PLCD3: variants seen among roughly 807,000 people sequenced by gnomAD.
PLCD3 encodes the protein phospholipase C delta 3.
A neutral mutation model predicts 82.8 loss-of-function variants in PLCD3; 62 were observed. That is an observed-to-expected ratio of 0.75 (90% CI 0.61 to 0.93). The LOEUF (loss-of-function observed/expected upper bound fraction) is 0.93. Among genes scored for constraint, PLCD3 ranks in the 40% least tolerant of loss-of-function variants. The probability of loss-of-function intolerance (pLI) is 0.00; values close to 1 mark genes in which losing one functional copy is unlikely to be tolerated. For synonymous variants in PLCD3, 478 were observed against 471.8 expected (o/e 1.01, Z -0.17); for missense variants, 1,023 against 1,103.4 (o/e 0.93, Z 1.03).
rs141595488 is a variant in PLCD3, at chr17:45,115,313, C to T, written c.1560+31G>A. Reference sequence around the variant, plus strand: ...CACATCCGTCCTCCCACCTTCCCCCCCTTCCCCACCCCACCCATCCCAGCT... The same window carrying T: ...CACATCCGTCCTCCCACCTTCCCCCTCTTCCCCACCCCACCCATCCCAGCT... On this transcript the variant is annotated intron_variant, in intron 9 of 14. Transcript: ENST00000619929. 2.9e-4 allele frequency: 440 copies of T among 1,514,532 alleles called. 3 individuals carry two copies. In the East Asian group the frequency reaches 9.8e-3, roughly 34 times the overall value. 93.8% of individuals were successfully genotyped at this position (1,514,532 alleles called of 1,614,324 possible). A position where few individuals can be genotyped will look rare whatever the true frequency, so the allele number is the denominator to read the frequency against.
rs1341030890 is a variant in PLCD3, at chr17:45,112,459, C to T, written c.*157G>A. 6.3e-6 allele frequency: 5 copies of T among 790,072 alleles called. No homozygotes were observed. In the African/African-American group the frequency reaches 8.5e-5, roughly 13 times the overall value. The allele number at this position is 790,072 out of a possible 1,614,324, so 48.9% of individuals were successfully genotyped here. A position where few individuals can be genotyped will look rare whatever the true frequency, so the allele number is the denominator to read the frequency against. On this transcript the variant is annotated 3_prime_UTR_variant, in exon 15 of 15. Coordinates refer to ENST00000619929, the MANE Select transcript of PLCD3 (RefSeq NM_133373.5). ...CAGGAGGGGCCCAGGCAGCCCTCAG[C>T]ACCCAGGTGAGACCAGCGCCTGGTG...
At position 45,121,371 on chromosome 17, in the gene PLCD3, G is replaced by A; in HGVS notation, c.165C>T (p.Gly55=). 6 of 1,508,046 alleles carry A rather than the reference G, an allele frequency of 4.0e-6. No individual in the cohort carries two copies. Among genetic ancestry groups the A allele is most frequent in the Admixed American group, 2.1e-5 (1 of 47,906 alleles). The allele number at this position is 1,508,046 out of a possible 1,614,324, so 93.4% of individuals were successfully genotyped here. A position where few individuals can be genotyped will look rare whatever the true frequency, so the allele number is the denominator to read the frequency against. Residue 55 remains glycine (G), a splice_region_variant and synonymous_variant, in exon 2 of 15, where the codon GGC becomes GGT. Transcript: ENST00000619929. ...RPGLRALKKM[G]LTEDEDVRAM... is the part of the protein sequence containing the mutation. ...CGCGCACGTCCTCGTCCTCCGTCAG[G>A]CCTGGCGGGGCGGGAGGACCCGGGG...
chr17:45,126,736 G>A (rs1015150041), intron 1 of PLCD3, among the ~76,000 whole-genome samples: 1 of 151,806 alleles, frequency 6.6e-6, no homozygotes, highest in South Asian at 2.1e-4. Flanking sequence ...GCTCACTGCA[G>A]CAGCCTCAAA....
In PLCD3 at chr17:45,118,866, T is replaced by C. The variant is rs2143565215; in HGVS notation, c.862A>G (p.Thr288Ala). The C allele has an allele frequency of 6.2e-7, 1 of 1,612,040 alleles. No homozygotes were observed. Among genetic ancestry groups the C allele is most frequent in the East Asian group, 2.2e-5 (1 of 44,878 alleles). The change falls in exon 5 of 15, where the codon ACA (threonine) becomes GCA (alanine). Residue 288 changes from threonine (T) to alanine (A), a missense_variant. Thr to Ala is a moderately conservative substitution (Grantham distance 58). Around this residue, in one of 3 missense-constraint regions of PLCD3, gnomAD observed 448 missense variants for 406.3 expected, o/e 1.10. Transcript: ENST00000619929. This position sits in a 1 kb window ranked among gnomAD's most constrained non-coding sequence, Gnocchi z 4.1. Reference sequence around the variant, plus strand: ...ATGAGCTGCTGGGCGCGGGCCAGTGTGGCGCCCTCCTCGCCCTGGTCCTCC... The same window carrying C: ...ATGAGCTGCTGGGCGCGGGCCAGTGCGGCGCCCTCCTCGCCCTGGTCCTCC... Reference protein sequence around the residue: ...FLEDQGEEGATLARAQQLIQT... With the variant: ...FLEDQGEEGAALARAQQLIQT...
Position 45,132,010 on chromosome 17 carries a change from G to C in PLCD3, c.163+238C>G, listed in dbSNP as rs750455225. 6.6e-6 allele frequency among the ~76,000 whole-genome samples: 1 copy of C among 152,078 alleles called. No individual in the cohort carries two copies. Among genetic ancestry groups the C allele is most frequent in the Non-Finnish European group, 1.5e-5 (1 of 68,000 alleles). Reference sequence around the variant, plus strand: ...CCGTGCCCGAATTCGCGCTTCAGACGCCCCGCGAGCGCCCCCTGGTGGGAA... The same window carrying C: ...CCGTGCCCGAATTCGCGCTTCAGACCCCCCGCGAGCGCCCCCTGGTGGGAA... On this transcript the variant is annotated intron_variant, in intron 1 of 14. Transcript: ENST00000619929. The surrounding 1 kb of genome is among the most constrained non-coding windows in gnomAD (Gnocchi z 4.6).
chr17:45,112,814 G>A (rs768609381), intron 14 of PLCD3, 49 bp downstream of exon 14: 1 of 1,605,896 alleles, frequency 6.2e-7, no homozygotes, highest in Admixed American at 1.7e-5. Flanking sequence ...AACAGGGTCT[G>A]CAGGACCTGG....
intron 8 of PLCD3, among the ~76,000 whole-genome samples, chr17:45,115,869 G>A (rs1247429374): frequency 6.6e-6 from 1 of 152,220 alleles, no homozygotes; most frequent in African/African-American, 2.4e-5. Flanking sequence ...TATGTACACA[G>A]GTAATGTGTG....
Position 45,113,103 on chromosome 17 carries a change from TC to T in PLCD3, c.2131+18del, listed in dbSNP as rs1364468441. The T allele has an allele frequency of 2.5e-6, 4 of 1,613,108 alleles. No homozygotes were observed. The highest frequency in any genetic ancestry group is 3.4e-6 in the Non-Finnish European group (4 of 1,179,528). ...CTCTGCAGTCTCCCCCAACCCCACT[TC>T]CGCCAGTGGCTGCCCACCATTGTTG... On this transcript the variant is annotated intron_variant, in intron 13 of 14. Coordinates refer to ENST00000619929, the MANE Select transcript of PLCD3 (RefSeq NM_133373.5).
In PLCD3 at chr17:45,111,579, C is replaced by T. The variant is rs1402053909; in HGVS notation, c.*1037G>A. On this transcript the variant is annotated 3_prime_UTR_variant, in exon 15 of 15. Coordinates refer to ENST00000619929, the MANE Select transcript of PLCD3 (RefSeq NM_133373.5). Reference sequence around the variant, plus strand: ...GTTGAGGGGAGAGGCCCAAGAAACTCATCCAGCCCTGTCCCTCCTCATGGG... The same window carrying T: ...GTTGAGGGGAGAGGCCCAAGAAACTTATCCAGCCCTGTCCCTCCTCATGGG... 6.6e-6 allele frequency: 1 copy of T among 152,254 alleles called. No individual in the cohort carries two copies. The highest frequency in any genetic ancestry group is 3.1e-3 in the Middle Eastern group (1 of 318). 9.4% of individuals were successfully genotyped at this position (152,254 alleles called of 1,614,324 possible).
chr17:45,112,521 C>A lies in PLCD3; in HGVS notation c.*95G>T, dbSNP rs984137152. 9 of 1,338,448 alleles carry A rather than the reference C, an allele frequency of 6.7e-6. No individual in the cohort carries two copies. The Admixed American group carries it at 1.6e-4, about 24-fold the overall frequency. The allele number at this position is 1,338,448 out of a possible 1,614,324, so 82.9% of individuals were successfully genotyped here. On this transcript the variant is annotated 3_prime_UTR_variant, in exon 15 of 15. Coordinates refer to ENST00000619929, the MANE Select transcript of PLCD3 (RefSeq NM_133373.5). ...TGGGCCAAGTGGGTGGGCTGGGGGG[C>A]TGGTACTCCCACCACCTGACTCCAG...
rs112126121 is a variant in PLCD3 at position 45,121,959 on chromosome 17, C to CA, written c.164-588dup. On this transcript the variant is annotated intron_variant, in intron 1 of 14. Coordinates refer to ENST00000619929, the MANE Select transcript of PLCD3 (RefSeq NM_133373.5). ...GCGACAGAGTGAGACTGCGTCTTAA[C>CA]AAAAAAAAAAAAAAATTGCCTTTTC... is the stretch of plus-strand genomic sequence containing the variant. 6.2e-3 allele frequency among the ~76,000 whole-genome samples: 844 copies of CA among 137,224 alleles called. 16 individuals are homozygous for CA. The South Asian group carries it at 0.065, about 11-fold the overall frequency. The allele number at this position is 137,224 out of a possible 152,430, so 90.0% of individuals were successfully genotyped here. A position where few individuals can be genotyped will look rare whatever the true frequency, so the allele number is the denominator to read the frequency against.
Position 45,116,744 on chromosome 17 carries a change from C to T in PLCD3, c.1301G>A (p.Cys434Tyr). The T allele has an allele frequency of 6.2e-7, 1 of 1,608,396 alleles. No homozygotes were observed. Among genetic ancestry groups the T allele is most frequent in the Non-Finnish European group, 8.5e-7 (1 of 1,177,056 alleles). ...YPVILSLENH[C>Y]GLEQQAAMAR... Reference sequence around the variant, plus strand: ...CATGGCAGCCTGCTGCTCCAGCCCGCAGTGGTTCTCCAGGGATAGGATGAC... The same window carrying T: ...CATGGCAGCCTGCTGCTCCAGCCCGTAGTGGTTCTCCAGGGATAGGATGAC... Residue 434 changes from cysteine (C) to tyrosine (Y), a missense_variant, in exon 8 of 15, where the codon TGC becomes TAC. Cys to Tyr is a radical substitution (Grantham distance 194). Coordinates refer to ENST00000619929, the MANE Select transcript of PLCD3 (RefSeq NM_133373.5).
intron 14 of PLCD3, 37 bp downstream of exon 14, chr17:45,112,826 C>A: frequency 6.2e-7 from 1 of 1,609,410 alleles, no homozygotes; most frequent in Non-Finnish European, 8.5e-7. Context: ...AGGACCTGGA[C>A]CCACATCCCT....
At chr17:45,120,556 T>A in intron 3 of PLCD3, 102 bp from the exon 4 acceptor site, 1 of 1,490,964 alleles carries the variant, frequency 6.7e-7, no homozygotes, top group Non-Finnish European at 9.1e-7. Flanking sequence ...GATCCCCAGT[T>A]TAGGGGCTGT....
chr17:45,118,854 C>T lies in PLCD3; in HGVS notation c.874G>A (p.Ala292Thr), dbSNP rs553438771. The T allele has an allele frequency of 7.4e-6, 12 of 1,611,568 alleles. No homozygotes were observed. Among genetic ancestry groups the T allele is most frequent in the East Asian group, 4.5e-5 (2 of 44,878 alleles). The change falls in exon 5 of 15, where the codon GCC becomes ACC. Residue 292 changes from alanine (A) to threonine (T), a missense_variant. Ala to Thr is a moderately conservative substitution (Grantham distance 58). This residue lies in a region of PLCD3 where 448 missense variants were observed against 406.3 expected (regional missense o/e 1.10). Transcript: ENST00000619929. This position sits in a 1 kb window ranked among gnomAD's most constrained non-coding sequence, Gnocchi z 4.1. Reference sequence around the variant, plus strand: ...TCATAGGTCTGAATGAGCTGCTGGGCGCGGGCCAGTGTGGCGCCCTCCTCG... The same window carrying T: ...TCATAGGTCTGAATGAGCTGCTGGGTGCGGGCCAGTGTGGCGCCCTCCTCG... The part of the protein sequence containing the change: ...QGEEGATLAR[A>T]QQLIQTYELN...
intron 10 of PLCD3, among the ~76,000 whole-genome samples, chr17:45,114,589 C>T (rs2054274670): frequency 6.6e-6 from 1 of 152,060 alleles, no homozygotes; most frequent in Admixed American, 6.6e-5. Context: ...CCCCAATTCC[C>T]AGCTCCTGAC....
rs564065318 is a variant in PLCD3 at position 45,112,488 on chromosome 17, G to C, written c.*128C>G. On this transcript the variant is annotated 3_prime_UTR_variant, in exon 15 of 15. Coordinates refer to ENST00000619929, the MANE Select transcript of PLCD3 (RefSeq NM_133373.5). Reference sequence around the variant, plus strand: ...CAGGTGAGACCAGCGCCTGGTGAATGGGCTGAGTGGGCCAAGTGGGTGGGC... The same window carrying C: ...CAGGTGAGACCAGCGCCTGGTGAATCGGCTGAGTGGGCCAAGTGGGTGGGC... The C allele has an allele frequency of 1.9e-6, 2 of 1,031,072 alleles. No homozygotes were observed. Among genetic ancestry groups the C allele is most frequent in the Non-Finnish European group, 2.9e-6 (2 of 691,716 alleles). 63.9% of individuals were successfully genotyped at this position (1,031,072 alleles called of 1,614,324 possible). A position where few individuals can be genotyped will look rare whatever the true frequency, so the allele number is the denominator to read the frequency against.
rs374160725 is a variant in PLCD3, at chr17:45,118,010, C to T, written c.1244G>A (p.Arg415His). The T allele has an allele frequency of 2.3e-5, 37 of 1,613,336 alleles. No individual in the cohort carries two copies. In the Admixed American group the frequency reaches 4.3e-4, roughly 19 times the overall value. ...ILFRDVVQAV[R>H]DHAFTLSPYP... ...GGGGCTCACCGTGAAGGCATGGTCG[C>T]GCACGGCTTGGACCACGTCCCGGAA... The change falls in exon 7 of 15, where the codon CGC becomes CAC. Residue 415 changes from arginine to histidine, a missense_variant. By Grantham distance (29) the Arg-to-His change is conservative. Around this residue, in one of 3 missense-constraint regions of PLCD3, gnomAD observed 553 missense variants for 655.7 expected, o/e 0.84. Coordinates refer to ENST00000619929, the MANE Select transcript of PLCD3 (RefSeq NM_133373.5). The surrounding 1 kb of genome is among the most constrained non-coding windows in gnomAD (Gnocchi z 4.1).
chr17:45,116,004 A>C (rs1289616375), intron 8 of PLCD3, among the ~76,000 whole-genome samples: 4 of 152,190 alleles, frequency 2.6e-5, no homozygotes. Context: ...GTTTTCTTTT[A>C]CCATACGGGT....
Sources: allele counts gnomAD v4.1 joint callset (sites outside exome capture counted in the v4.1 genomes callset), GRCh38; gene constraint gnomAD v4.1.1; regional missense constraint gnomAD v4.1.1; non-coding constraint Gnocchi (gnomAD v3.1); transcripts MANE v1.5; gene names NCBI Gene and HGNC (gene_info 2026-07-23, HGNC 2026-07-21).